The following SFI1 variants were observed in gnomAD, a reference collection of about 807,000 sequenced individuals.
The protein encoded by SFI1 is SFI1 centrin binding protein.
A neutral mutation model predicts 207.5 loss-of-function variants in SFI1; 195 were observed. The ratio of observed to expected loss-of-function variants is 0.94; its 90% CI spans 0.84 to 1.06. The LOEUF is 1.06. SFI1 is among the 50% of genes least tolerant of loss of function. The pLI is 0.00. For synonymous variants in SFI1, 630 were observed against 598.9 expected, an observed-to-expected ratio of 1.05 and a Z score of -0.76; for missense variants, 1,634 against 1,588.0, an observed-to-expected ratio of 1.03 and a Z score of -0.49.
chr22:31,514,291 G>A (rs1369801581), intron 2 of SFI1, among the ~76,000 whole-genome samples: 2 of 151,836 alleles, frequency 1.3e-5, no homozygotes, highest in Non-Finnish European at 2.9e-5. Flanking sequence ...GGATCATGAG[G>A]TCAGGAGATT....
chr22:31,529,163 T>G, intron 3 of SFI1: 1 of 282,404 alleles, frequency 3.5e-6, no homozygotes, highest in South Asian at 9.3e-5. Context: ...TATTCTTTTT[T>G]TCCCCCCAGA....
At chr22:31,611,397 C>G (rs2070109804) in intron 23 of SFI1, 94 bp downstream of exon 23, 2 of 1,397,856 alleles carry the variant, frequency 1.4e-6, no homozygotes, top group South Asian at 1.4e-5. Context: ...TCTTTCCTGA[C>G]AGCACTCCAT....
At chr22:31,510,901 G>A (rs1417230464) in intron 2 of SFI1, among the ~76,000 whole-genome samples, 1 of 152,146 alleles carries the variant, frequency 6.6e-6, no homozygotes, top group Admixed American at 6.6e-5. Flanking sequence ...TAATTTTGGT[G>A]ATCCATGTCT....
intron 2 of SFI1, among the ~76,000 whole-genome samples, chr22:31,513,582 GTTTTGTTTTA>G (rs1198806749): frequency 6.7e-6 from 1 of 150,316 alleles, no homozygotes; most frequent in Non-Finnish European, 1.5e-5. Flanking sequence ...GTTTTGTTTT[GTTTTGTTTTA>G]TTTTAGACAG....
intron 1 of SFI1, among the ~76,000 whole-genome samples, chr22:31,507,651 G>A (rs2054840306): frequency 6.6e-6 from 1 of 152,082 alleles, no homozygotes; most frequent in Admixed American, 6.6e-5. Flanking sequence ...ACAACATTAT[G>A]AGATAAAAAC....
chr22:31,563,304 C>CAT (rs2061921907), intron 8 of SFI1, among the ~76,000 whole-genome samples: 1 of 151,748 alleles, frequency 6.6e-6, no homozygotes, highest in South Asian at 2.1e-4. Flanking sequence ...GCATCATTAT[C>CAT]ATAATCACCA....
chr22:31,606,561 C>A, intron 21 of SFI1, 131 bp downstream of exon 21: 1 of 641,946 alleles, frequency 1.6e-6, no homozygotes. Context: ...AACTTTCCTC[C>A]AGCACACACA....
chr22:31,517,366 G>A (rs955371983), intron 2 of SFI1, among the ~76,000 whole-genome samples: 5 of 151,952 alleles, frequency 3.3e-5, no homozygotes, highest in Admixed American at 2.0e-4. Context: ...TCCCATCTCA[G>A]CCTCCCAAAT....
At position 31,528,675 on chromosome 22, in the gene SFI1, G is replaced by A. The variant is rs374340777; in HGVS notation, c.93-15G>A. The A allele has an allele frequency of 1.5e-4, 234 of 1,609,036 alleles. No homozygotes were observed. The highest frequency in any genetic ancestry group is 1.9e-4 in the Non-Finnish European group (221 of 1,176,980). On this transcript the variant is annotated splice_polypyrimidine_tract_variant and intron_variant, in intron 2 of 32. Coordinates refer to ENST00000400288, the MANE Select transcript of SFI1 (RefSeq NM_001007467.3). Reference sequence around the variant, plus strand: ...ACTTTATTCTCTCCTTGCCTCTTTCGTCCTCAAATTTAAGGTATTTTAAGG... The same window carrying A: ...ACTTTATTCTCTCCTTGCCTCTTTCATCCTCAAATTTAAGGTATTTTAAGG...
At chr22:31,511,714 C>A (rs1274950149) in intron 2 of SFI1, among the ~76,000 whole-genome samples, 3 of 151,996 alleles carry the variant, frequency 2.0e-5, no homozygotes, top group African/African-American at 7.3e-5. Flanking sequence ...AGTGCAATGG[C>A]GTGATCTTGG....
At chr22:31,540,438 T>C (rs2059372426) in intron 4 of SFI1, among the ~76,000 whole-genome samples, 1 of 151,614 alleles carries the variant, frequency 6.6e-6, no homozygotes, top group African/African-American at 2.4e-5. Context: ...CCCACCACCA[T>C]GCCTGGCTGA....
At chr22:31,589,307 G>T in intron 14 of SFI1, 140 bp from the exon 15 acceptor site, 6 of 902,480 alleles carry the variant, frequency 6.6e-6, no homozygotes, top group South Asian at 2.5e-5. Flanking sequence ...TAGCATATTG[G>T]CAAAGATAAT....
At chr22:31,602,475 C>A in intron 16 of SFI1, 132 bp from the exon 17 acceptor site, 1 of 1,210,794 alleles carries the variant, frequency 8.3e-7, no homozygotes, top group Non-Finnish European at 1.2e-6. Flanking sequence ...CAGACAGCTT[C>A]TGGGCTGGAC....
chr22:31,584,045 G>T, intron 13 of SFI1, 73 bp downstream of exon 13: 2 of 1,287,320 alleles, frequency 1.6e-6, no homozygotes, highest in Admixed American at 3.4e-5. Flanking sequence ...AGGAGTAATT[G>T]CTTGCCCTTC....
chr22:31,549,429 C>T (rs1478648222), intron 5 of SFI1, among the ~76,000 whole-genome samples: 3 of 151,170 alleles, frequency 2.0e-5, no homozygotes, highest in Non-Finnish European at 2.9e-5. Context: ...CTCACTGCAA[C>T]CACTGCCTCC....
Position 31,589,463 on chromosome 22 carries a change from C to T in SFI1, c.1430C>T (p.Ala477Val), listed in dbSNP as rs201984664. The stretch of plus-strand genomic sequence containing the variant: ...TTACTTTAGCTGCTACAGGCCAGAG[C>T]GGATGGTCATTTCCAGCAGAGAGCC... Reference protein sequence around the residue: ...RRYKQLLQARADGHFQQRALP... With the variant: ...RRYKQLLQARVDGHFQQRALP... The change falls in exon 15 of 33, where the codon GCG (alanine) becomes GTG (valine). Residue 477 changes from alanine to valine, a missense_variant. Coordinates refer to ENST00000400288, the MANE Select transcript of SFI1 (RefSeq NM_001007467.3). 173 of 1,612,252 alleles carry T rather than the reference C, an allele frequency of 1.1e-4. No homozygotes were observed. The African/African-American group carries it at 1.7e-3, about 16-fold the overall frequency.
intron 3 of SFI1, chr22:31,530,838 GT>G: frequency 1.8e-6 from 1 of 545,422 alleles, no homozygotes; most frequent in Non-Finnish European, 3.3e-6. Context: ...GACAATTTAT[GT>G]TGAAAATATT....
chr22:31,505,906 C>T (rs1007611104), intron 1 of SFI1, among the ~76,000 whole-genome samples: 1 of 151,338 alleles, frequency 6.6e-6, no homozygotes, highest in African/African-American at 2.4e-5. Flanking sequence ...AGAAAAAAGG[C>T]CAGGCATGGT....
Position 31,611,196 on chromosome 22 carries a change from C to T in SFI1, c.2308C>T (p.Gln770Ter). The T allele has an allele frequency of 1.9e-6, 3 of 1,614,102 alleles. No individual in the cohort carries two copies. The highest frequency in any genetic ancestry group is 2.5e-6 in the Non-Finnish European group (3 of 1,180,044). Residue 770 changes from glutamine (Q) to a stop codon, truncating the protein, a stop_gained, in exon 23 of 33, where the codon CAG becomes TAG. Coordinates refer to ENST00000400288, the MANE Select transcript of SFI1 (RefSeq NM_001007467.3). LOFTEE classifies it high-confidence loss of function. ...GTGGGACTGCAGCCGGAGGTCAGCC[C>T]AGCAGAGACTGCAGCTGGAGAGGGC... is the stretch of plus-strand genomic sequence containing the variant. ...RWWDCSRRSA[Q>*]QRLQLERAVQ... is the part of the protein sequence containing the mutation.
Sources: allele counts gnomAD v4.1 joint callset (sites outside exome capture counted in the v4.1 genomes callset), GRCh38; gene constraint gnomAD v4.1.1; transcripts MANE v1.5; gene names NCBI Gene and HGNC (gene_info 2026-07-23, HGNC 2026-07-21).